WDR70: variants seen among roughly 807,000 people sequenced by gnomAD.
WDR70 encodes the protein WD repeat-containing protein 70.
WDR70 carries 53 observed loss-of-function variants against 88.6 expected under a neutral mutation model. The ratio of observed to expected loss-of-function variants is 0.60; its 90% CI spans 0.48 to 0.75. The LOEUF (loss-of-function observed/expected upper bound fraction) is 0.75. Ranked by LOEUF, WDR70 falls within the 30% of genes least tolerant of loss-of-function variation. WDR70 has a pLI of 0.00. For synonymous variants in WDR70, 280 were observed against 270.0 expected, an observed-to-expected ratio of 1.04 and a Z score of -0.36; for missense variants, 610 against 823.2, an observed-to-expected ratio of 0.74 and a Z score of 3.17.
chr5:37,516,775 G>T (rs1207045164), intron 9 of WDR70, among the ~76,000 whole-genome samples, 185 bp downstream of exon 9: 3 of 149,024 alleles, frequency 2.0e-5, no homozygotes, highest in African/African-American at 4.9e-5. Context: ...AGGCTGGAGT[G>T]CAGTGGTACG....
intron 5 of WDR70, among the ~76,000 whole-genome samples, chr5:37,419,688 G>A (rs879268644): frequency 1.1e-3 from 165 of 151,930 alleles, no homozygotes; most frequent in Non-Finnish European, 1.6e-3. Flanking sequence ...GGTGGCAGGT[G>A]CCTGTAATCC....
intron 8 of WDR70, chr5:37,505,933 T>G (rs1452004444): frequency 2.8e-6 from 4 of 1,445,316 alleles, no homozygotes; most frequent in Non-Finnish European, 3.9e-6. Flanking sequence ...CCTTTCAGAT[T>G]AGCACCTTCT....
At chr5:37,583,146 G>C (rs1743267181) in intron 9 of WDR70, among the ~76,000 whole-genome samples, 1 of 152,178 alleles carries the variant, frequency 6.6e-6, no homozygotes, top group Admixed American at 6.5e-5. Context: ...GAGAATAGAG[G>C]CTGGGTGTGG....
chr5:37,753,228 G>A lies in WDR70; in HGVS notation c.*655G>A, dbSNP rs1748861794. On this transcript the variant is annotated 3_prime_UTR_variant, in exon 18 of 18. Transcript: ENST00000265107. ...TGATGAAATAGTACGTACTTTGCAG[G>A]TTCGTCAGAAGAATTAAATGGGACA... The A allele has an allele frequency of 6.6e-6, 1 of 152,128 alleles. No individual in the cohort carries two copies. Among genetic ancestry groups the A allele is most frequent in the African/African-American group, 2.4e-5 (1 of 41,412 alleles). The allele number at this position is 152,128 out of a possible 1,614,324, so 9.4% of individuals were successfully genotyped here. A position where few individuals can be genotyped will look rare whatever the true frequency, so the allele number is the denominator to read the frequency against.
intron 10 of WDR70, among the ~76,000 whole-genome samples, chr5:37,626,256 A>G (rs536457146): frequency 1.4e-4 from 21 of 152,242 alleles, no homozygotes; most frequent in African/African-American, 4.8e-4. Flanking sequence ...GGTTTGCCAT[A>G]TTTGGCCATT....
intron 17 of WDR70, among the ~76,000 whole-genome samples, chr5:37,750,612 A>T (rs897770006): frequency 6.6e-6 from 1 of 152,188 alleles, no homozygotes; most frequent in African/African-American, 2.4e-5. Flanking sequence ...TTGTCACATC[A>T]TGGGAAGGAC....
chr5:37,461,623 A>G (rs1478643701), intron 7 of WDR70, among the ~76,000 whole-genome samples: 4 of 151,956 alleles, frequency 2.6e-5, no homozygotes, highest in African/African-American at 4.8e-5. Context: ...AGCTGGGACT[A>G]CAGGTGCCCA....
chr5:37,381,462 T>C (rs1469345751), intron 2 of WDR70, 140 bp from the exon 3 acceptor site: 6 of 669,248 alleles, frequency 9.0e-6, no homozygotes, highest in Non-Finnish European at 1.3e-5. Context: ...TCAAACTCCT[T>C]CTTCTGTGAT....
At position 37,667,190 on chromosome 5, in the gene WDR70, AG is replaced by A. The variant is rs1468268770; in HGVS notation, c.1093-30464del. 1.1e-4 allele frequency among the ~76,000 whole-genome samples: 17 copies of A among 152,284 alleles called. No homozygotes were observed. In the South Asian group the frequency reaches 3.3e-3, roughly 30 times the overall value. On this transcript the variant is annotated intron_variant, in intron 10 of 17. Coordinates refer to ENST00000265107, the MANE Select transcript of WDR70 (RefSeq NM_018034.4). ...ATTATATAATTTGAAGGAGAAAAAA[AG>A]TTATTTTATGCTGTCCATCTCACTC...
chr5:37,471,850 A>C (rs1013597845), intron 7 of WDR70, among the ~76,000 whole-genome samples: 2 of 151,962 alleles, frequency 1.3e-5, no homozygotes, highest in African/African-American at 4.9e-5. Flanking sequence ...TCATTCATTG[A>C]AAAGACTGCT....
intron 10 of WDR70, among the ~76,000 whole-genome samples, chr5:37,637,136 G>C (rs1312628322): frequency 6.6e-6 from 1 of 151,950 alleles, no homozygotes; most frequent in Non-Finnish European, 1.5e-5. Flanking sequence ...GAGTTCAGGA[G>C]TTTGAGACCA....
chr5:37,396,651 A>T, intron 5 of WDR70, 81 bp downstream of exon 5: 1 of 1,446,742 alleles, frequency 6.9e-7, no homozygotes, highest in Non-Finnish European at 9.0e-7. Context: ...ACTGTTTTTC[A>T]TGAGTAAGAG....
chr5:37,604,213 G>C (rs1443149620), intron 9 of WDR70, among the ~76,000 whole-genome samples: 4 of 152,158 alleles, frequency 2.6e-5, no homozygotes, highest in Non-Finnish European at 4.4e-5. Flanking sequence ...AATTACCTCA[G>C]CTTTTGTCCA....
At chr5:37,437,880 A>G (rs774239109) in intron 5 of WDR70, 42 bp from the exon 6 acceptor site, 1 of 1,569,572 alleles carries the variant, frequency 6.4e-7, no homozygotes, top group Non-Finnish European at 8.7e-7. Context: ...CCCCACAAAT[A>G]TGTTATTTTA....
intron 17 of WDR70, among the ~76,000 whole-genome samples, chr5:37,745,537 T>C (rs1301945960): frequency 6.7e-6 from 1 of 149,928 alleles, no homozygotes; most frequent in Non-Finnish European, 1.5e-5. Context: ...AGCCCCATCT[T>C]ATGTGCAAAG....
intron 9 of WDR70, among the ~76,000 whole-genome samples, chr5:37,543,429 G>A (rs563548938): frequency 3.3e-5 from 5 of 152,120 alleles, no homozygotes; most frequent in South Asian, 2.1e-4. Context: ...GAAATATTAC[G>A]AAATATGCAC....
chr5:37,526,324 T>G (rs1237878084), intron 9 of WDR70, among the ~76,000 whole-genome samples: 1 of 152,186 alleles, frequency 6.6e-6, no homozygotes, highest in East Asian at 1.9e-4. Flanking sequence ...CAAGGCTGGT[T>G]CAACATACGC....
At chr5:37,566,219 C>T (rs1441646064) in intron 9 of WDR70, among the ~76,000 whole-genome samples, 1 of 152,024 alleles carries the variant, frequency 6.6e-6, no homozygotes, top group East Asian at 1.9e-4. Context: ...CTGATTCTTC[C>T]TGTTAACGAA....
chr5:37,590,197 A>C (rs544898899), intron 9 of WDR70, among the ~76,000 whole-genome samples: 2 of 152,318 alleles, frequency 1.3e-5, no homozygotes, highest in East Asian at 3.9e-4. Flanking sequence ...ATGATTTTTA[A>C]TATATTTACA....
Sources: gnomAD v4.1 joint callset for allele counts (sites outside exome capture counted in the v4.1 genomes callset) on GRCh38, gnomAD v4.1.1 for gene constraint, MANE v1.5 for transcripts, NCBI Gene and HGNC (gene_info 2026-07-23, HGNC 2026-07-21) for gene names.